Variants in POU2F2 observed in about 807,000 individuals in gnomAD.
The protein encoded by POU2F2 is POU domain, class 2, transcription factor 2.
In POU2F2, 14 loss-of-function variants were observed where a neutral mutation model predicts 63.5. The observed-to-expected ratio is 0.22, with a 90% CI of 0.15 to 0.34. The LOEUF (loss-of-function observed/expected upper bound fraction) is 0.34. POU2F2 is among the 10% of genes least tolerant of loss of function. The pLI, the probability that POU2F2 is intolerant of heterozygous loss-of-function variation, is 1.00. For missense variants in POU2F2, 607 were observed against 815.2 expected (o/e 0.74, Z 3.11); for synonymous variants, 306 against 348.6 (o/e 0.88, Z 1.36).
intron 2 of POU2F2, among the ~76,000 whole-genome samples, chr19:42,140,232 G>A (rs1362151160): frequency 6.6e-6 from 1 of 152,148 alleles, no homozygotes; most frequent in Admixed American, 6.5e-5. Flanking sequence ...CTGCCCCCAG[G>A]CTTTCCACAG....
intron 1 of POU2F2, among the ~76,000 whole-genome samples, chr19:42,130,588 A>G (rs2146710544): frequency 6.6e-6 from 1 of 152,088 alleles, no homozygotes; most frequent in Non-Finnish European, 1.5e-5. Context: ...AGTCAGTGGG[A>G]GCAGACACCC....
intron 1 of POU2F2, among the ~76,000 whole-genome samples, chr19:42,174,190 T>A (rs2034826297): frequency 6.6e-6 from 1 of 152,060 alleles, no homozygotes; most frequent in South Asian, 2.1e-4. Context: ...CCACCCTCCC[T>A]CTTACCCAGG....
Position 42,182,729 on chromosome 19 carries a change from C to T in POU2F2, c.-70+13654G>A, listed in dbSNP as rs545918591. Reference sequence around the variant, plus strand: ...TAGAAGGGGCCCAGAGACAGGGACCCGGAGGCACAGACAGAGAGGTATGCA... The same window carrying T: ...TAGAAGGGGCCCAGAGACAGGGACCTGGAGGCACAGACAGAGAGGTATGCA... On this transcript the variant is annotated intron_variant, in intron 1 of 5. Coordinates refer to the POU2F2 transcript ENST00000532176. 1.1e-4 allele frequency among the ~76,000 whole-genome samples: 16 copies of T among 152,160 alleles called. No individual in the cohort carries two copies. The Middle Eastern group carries it at 0.014, about 129-fold the overall frequency.
In POU2F2 at chr19:42,087,846, C is replaced by G. The variant is rs2076596197; in HGVS notation, c.*3411G>C. ...CCCCCACATAAAGCTCCCCAGCCCT[C>G]CAACTCTCTCGCTCATACACAGACA... On this transcript the variant is annotated 3_prime_UTR_variant, in exon 15 of 15. Transcript: ENST00000692977. The G allele has an allele frequency of 6.6e-6, 1 of 152,214 alleles. No homozygotes were observed. Among genetic ancestry groups the G allele is most frequent in the African/African-American group, 2.4e-5 (1 of 41,388 alleles). The allele number at this position is 152,214 out of a possible 1,614,324, so 9.4% of individuals were successfully genotyped here.
At chr19:42,196,882 G>A (rs1006649954), upstream of POU2F2, among the ~76,000 whole-genome samples, 2 of 152,260 alleles carry the variant, frequency 1.3e-5, no homozygotes, top group Non-Finnish European at 2.9e-5. Flanking sequence ...GTGCTGGCCA[G>A]AGGCACGTCT....
chr19:42,196,388 A>T (rs545000930), exon 1 of POU2F2: 4 of 151,918 alleles, frequency 2.6e-5, no homozygotes, highest in Non-Finnish European at 5.9e-5. Context: ...CTTACCTCTG[A>T]CTCTGTCCGT....
At chr19:42,122,488 C>T in intron 2 of POU2F2, 23 bp downstream of exon 2, 1 of 1,608,826 alleles carries the variant, frequency 6.2e-7, no homozygotes, top group South Asian at 1.1e-5. Flanking sequence ...TGACCCCTGC[C>T]CCCCTGCTCC....
intron 2 of POU2F2, among the ~76,000 whole-genome samples, chr19:42,150,233 AC>A (rs1335864968): frequency 1.3e-5 from 2 of 151,386 alleles, no homozygotes; most frequent in Admixed American, 1.3e-4. Context: ...TCCCATGGCC[AC>A]CTTTCTGCTC....
intron 2 of POU2F2, among the ~76,000 whole-genome samples, chr19:42,151,330 C>A (rs1047968139): frequency 1.1e-4 from 16 of 152,266 alleles, no homozygotes; most frequent in Admixed American, 3.3e-4. Flanking sequence ...TGGGGGCCGC[C>A]TGCCCCTCCT....
Position 42,089,105 on chromosome 19 carries a change from A to C in POU2F2, c.*2152T>G, listed in dbSNP as rs1477096032. 2 of 152,696 alleles carry C rather than the reference A, an allele frequency of 1.3e-5. No individual in the cohort carries two copies. Among genetic ancestry groups the C allele is most frequent in the Non-Finnish European group, 2.9e-5 (2 of 68,076 alleles). The allele number at this position is 152,696 out of a possible 1,614,324, so 9.5% of individuals were successfully genotyped here. ...TCCTGCCCAACAAGGGGCAGGGGCC[A>C]CACTACGGCTGTCAGGCCCCACCCT... On this transcript the variant is annotated 3_prime_UTR_variant, in exon 15 of 15. Coordinates refer to ENST00000692977, the MANE Select transcript of POU2F2 (RefSeq NM_001394376.1).
At chr19:42,112,756 G>A (rs2031303368) in intron 5 of POU2F2, among the ~76,000 whole-genome samples, 1 of 152,122 alleles carries the variant, frequency 6.6e-6, no homozygotes, top group African/African-American at 2.4e-5. Context: ...AATGAAACAG[G>A]GAGACAGACC....
upstream of POU2F2, among the ~76,000 whole-genome samples, chr19:42,134,940 T>G (rs2146745771): frequency 6.6e-6 from 1 of 151,612 alleles, no homozygotes; most frequent in South Asian, 2.1e-4. Context: ...CGGGGAGTGG[T>G]GGGGGGGAGC....
At chr19:42,099,233 AGC>A in intron 7 of POU2F2, 1 of 349,254 alleles carries the variant, frequency 2.9e-6, no homozygotes, top group South Asian at 3.9e-5. Flanking sequence ...TTTACACATG[AGC>A]ATTTTGGGGG....
Position 42,090,164 on chromosome 19 carries a change from A to G in POU2F2, c.*1093T>C, listed in dbSNP as rs1451825626. 1 of 152,470 alleles carries G rather than the reference A, an allele frequency of 6.6e-6. No individual in the cohort carries two copies. The highest frequency in any genetic ancestry group is 2.4e-5 in the African/African-American group (1 of 41,368). 9.4% of individuals were successfully genotyped at this position (152,470 alleles called of 1,614,324 possible). A position where few individuals can be genotyped will look rare whatever the true frequency, so the allele number is the denominator to read the frequency against. On this transcript the variant is annotated 3_prime_UTR_variant, in exon 15 of 15. Transcript: ENST00000692977. This position sits in a 1 kb window ranked among gnomAD's most constrained non-coding sequence, Gnocchi z 4.4. The stretch of plus-strand genomic sequence containing the variant: ...TCTTTTTGGTTTCTGGTTAATGTCA[A>G]AGAACGTGAAGGATCCCACGGATAG...
rs1243824624 is a variant in POU2F2 at position 42,087,073 on chromosome 19, T to C, written c.*4184A>G. On this transcript the variant is annotated 3_prime_UTR_variant, in exon 15 of 15. Transcript: ENST00000692977. ...TGGAGTTTTTGTGTATTTTTTTTTA[T>C]TTTTATTTTTAATTTTTTTTCACTT... 2.6e-5 allele frequency: 4 copies of C among 151,724 alleles called. No individual in the cohort carries two copies. Among genetic ancestry groups the C allele is most frequent in the Non-Finnish European group, 5.9e-5 (4 of 67,946 alleles). 9.4% of individuals were successfully genotyped at this position (151,724 alleles called of 1,614,324 possible). A position where few individuals can be genotyped will look rare whatever the true frequency, so the allele number is the denominator to read the frequency against.
chr19:42,160,146 C>T (rs2034526941), intron 2 of POU2F2, among the ~76,000 whole-genome samples: 1 of 152,032 alleles, frequency 6.6e-6, no homozygotes, highest in South Asian at 2.1e-4. Flanking sequence ...CTGGTTTGGC[C>T]CGAAAGCCAC....
intron 5 of POU2F2, among the ~76,000 whole-genome samples, chr19:42,104,051 A>C (rs950885265): frequency 6.6e-6 from 1 of 152,340 alleles, no homozygotes; most frequent in South Asian, 2.1e-4. Flanking sequence ...ACAACCCAGT[A>C]GTAATGTGGC....
upstream of POU2F2, among the ~76,000 whole-genome samples, chr19:42,179,100 T>TG (rs2034930812): frequency 6.6e-6 from 1 of 150,646 alleles, no homozygotes; most frequent in Non-Finnish European, 1.5e-5. Context: ...AGGCTGGGGA[T>TG]GGGGGGCAGA....
At chr19:42,174,531 G>A (rs1369342484) in intron 1 of POU2F2, among the ~76,000 whole-genome samples, 1 of 152,106 alleles carries the variant, frequency 6.6e-6, no homozygotes, top group African/African-American at 2.4e-5. Flanking sequence ...ACTCCCTTCT[G>A]CACATATGTC....
Sources: allele counts gnomAD v4.1 joint callset (sites outside exome capture counted in the v4.1 genomes callset), GRCh38; gene constraint gnomAD v4.1.1; non-coding constraint Gnocchi (gnomAD v3.1); transcripts MANE v1.5; gene names NCBI Gene and HGNC (gene_info 2026-07-23, HGNC 2026-07-21).